PTPRD: variants seen among roughly 807,000 people sequenced by gnomAD.
PTPRD encodes the protein protein tyrosine phosphatase receptor type D, also known as receptor-type tyrosine-protein phosphatase delta.
A neutral mutation model predicts 214.5 loss-of-function variants in PTPRD; 34 were observed. The observed-to-expected ratio is 0.16, with a 90% confidence interval of 0.12 to 0.21. The LOEUF is 0.21. PTPRD is among the 10% of genes least tolerant of loss of function. The probability of loss-of-function intolerance (pLI) is 1.00; values close to 1 mark genes in which losing one functional copy is unlikely to be tolerated. For synonymous variants in PTPRD, 1,128 were observed against 845.7 expected (o/e 1.33, Z -5.79); for missense variants, 2,545 against 2,398.7 (o/e 1.06, Z -1.27).
intron 37 of PTPRD, among the ~76,000 whole-genome samples, chr9:8,387,901 T>C (rs1268883003): frequency 1.3e-5 from 2 of 152,222 alleles, no homozygotes; most frequent in African/African-American, 4.8e-5. Flanking sequence ...GCTTGATATA[T>C]AGGAGTTACC....
At chr9:10,009,162 G>C (rs1425436258) in intron 4 of PTPRD, among the ~76,000 whole-genome samples, 1 of 151,964 alleles carries the variant, frequency 6.6e-6, no homozygotes, top group Non-Finnish European at 1.5e-5. Context: ...GAGTCTTAAA[G>C]CTTTCGCCTG....
intron 7 of PTPRD, among the ~76,000 whole-genome samples, chr9:9,616,072 G>C (rs148616741): frequency 1.5e-3 from 227 of 152,238 alleles, no homozygotes; most frequent in African/African-American, 5.1e-3. Flanking sequence ...ATAGGACATG[G>C]TCTTTACCTT....
chr9:9,790,500 G>T (rs1304214473), intron 5 of PTPRD, among the ~76,000 whole-genome samples: 1 of 152,010 alleles, frequency 6.6e-6, no homozygotes, highest in Non-Finnish European at 1.5e-5. Context: ...TGATTTCAGT[G>T]GCTTTATCTC....
intron 4 of PTPRD, among the ~76,000 whole-genome samples, chr9:9,990,632 G>T (rs1185479661): frequency 2.0e-5 from 3 of 152,226 alleles, no homozygotes; most frequent in Non-Finnish European, 4.4e-5. Context: ...TTAGAAAATA[G>T]AAAGTAGTTT....
intron 7 of PTPRD, among the ~76,000 whole-genome samples, chr9:9,684,268 A>C (rs774556909): frequency 6.6e-6 from 1 of 151,758 alleles, no homozygotes; most frequent in Non-Finnish European, 1.5e-5. Flanking sequence ...ATCTAACCTT[A>C]TTCAACATAC....
intron 3 of PTPRD, among the ~76,000 whole-genome samples, chr9:10,054,022 G>T (rs1034048405): frequency 6.6e-6 from 1 of 152,070 alleles, no homozygotes; most frequent in South Asian, 2.1e-4. Flanking sequence ...GCATCCCAAA[G>T]CACTGGGATT....
At chr9:8,390,220 CA>C (rs1350662238) in intron 36 of PTPRD, among the ~76,000 whole-genome samples, 2 of 152,104 alleles carry the variant, frequency 1.3e-5, no homozygotes, top group East Asian at 3.9e-4. Flanking sequence ...TCTTCAAACC[CA>C]ACAATGGCTT....
At chr9:8,559,654 A>C (rs1427465359) in intron 14 of PTPRD, among the ~76,000 whole-genome samples, 1 of 152,192 alleles carries the variant, frequency 6.6e-6, no homozygotes, top group Non-Finnish European at 1.5e-5. Flanking sequence ...CCCAATGCCT[A>C]AGCTTCAGTC....
intron 8 of PTPRD, among the ~76,000 whole-genome samples, chr9:9,438,455 T>C (rs961382930): frequency 2.6e-5 from 4 of 152,194 alleles, no homozygotes; most frequent in Non-Finnish European, 5.9e-5. Context: ...TAAATATGCA[T>C]TGTGTGAAAG....
rs35027583 is a variant in PTPRD, at chr9:8,468,798, GAAAA to G, written c.3504+2193_3504+2196del. Among the ~76,000 whole-genome samples the G allele has an allele frequency of 5.1e-3, 629 of 123,524 alleles. 2 individuals carry two copies. Among genetic ancestry groups the G allele is most frequent in the Middle Eastern group, 0.018 (4 of 224 alleles). The allele number at this position is 123,524 out of a possible 152,430, so 81.0% of individuals were successfully genotyped here. The stretch of plus-strand genomic sequence containing the variant: ...TACAGTGCTTTTATTATCCATGGTA[GAAAA>G]AAAAAAAAAAAAAAACTCTCTGTAG... On this transcript the variant is annotated intron_variant, in intron 31 of 45. Coordinates refer to ENST00000381196, the MANE Select transcript of PTPRD (RefSeq NM_002839.4).
chr9:9,844,863 C>T (rs2059117624), intron 5 of PTPRD, among the ~76,000 whole-genome samples: 2 of 151,100 alleles, frequency 1.3e-5, no homozygotes, highest in Admixed American at 1.3e-4. Context: ...ATTTTATAAA[C>T]TGAAAAACAA....
At chr9:8,529,396 G>T (rs1049716003) in intron 14 of PTPRD, among the ~76,000 whole-genome samples, 5 of 152,090 alleles carry the variant, frequency 3.3e-5, no homozygotes, top group African/African-American at 1.2e-4. Flanking sequence ...CAATTAACCA[G>T]AAAATTGTCT....
intron 8 of PTPRD, among the ~76,000 whole-genome samples, chr9:9,437,389 T>C (rs568893977): frequency 6.6e-6 from 1 of 152,304 alleles, no homozygotes; most frequent in South Asian, 2.1e-4. Context: ...CCAGGAGCTA[T>C]TGGCTAGATG....
chr9:10,612,593 A>T (rs924770886), intron 1 of PTPRD, 88 bp from the exon 2 acceptor site: 3 of 152,402 alleles, frequency 2.0e-5, no homozygotes, highest in Admixed American at 6.5e-5. Context: ...CAAAAGTGGG[A>T]TCTTCTTTTC....
intron 8 of PTPRD, among the ~76,000 whole-genome samples, chr9:9,427,689 G>T (rs1344285957): frequency 6.6e-6 from 1 of 152,212 alleles, no homozygotes; most frequent in Non-Finnish European, 1.5e-5. Flanking sequence ...ACAAAGGGAA[G>T]CCCATCAGAC....
chr9:8,783,595 C>A (rs566610243), intron 11 of PTPRD, among the ~76,000 whole-genome samples: 1 of 152,126 alleles, frequency 6.6e-6, no homozygotes, highest in East Asian at 1.9e-4. Flanking sequence ...GGAATTTAGT[C>A]CCACCATACC....
chr9:9,221,987 G>A (rs1333035374), intron 9 of PTPRD, among the ~76,000 whole-genome samples: 1 of 152,048 alleles, frequency 6.6e-6, no homozygotes, highest in Admixed American at 6.6e-5. Flanking sequence ...AGACATTAAA[G>A]TTTAAATCAA....
intron 8 of PTPRD, among the ~76,000 whole-genome samples, chr9:9,480,981 G>C (rs1490863189): frequency 6.6e-6 from 1 of 151,980 alleles, no homozygotes; most frequent in Non-Finnish European, 1.5e-5. Flanking sequence ...TGTTTCTCTG[G>C]GCCCTACGTT....
At chr9:9,159,807 T>C (rs2099884832) in intron 10 of PTPRD, among the ~76,000 whole-genome samples, 1 of 152,124 alleles carries the variant, frequency 6.6e-6, no homozygotes, top group African/African-American at 2.4e-5. Context: ...GATTTCAAAA[T>C]ACAAAGTGAT....
Sources: allele counts gnomAD v4.1 joint callset (sites outside exome capture counted in the v4.1 genomes callset), GRCh38; gene constraint gnomAD v4.1.1; transcripts MANE v1.5; gene names NCBI Gene and HGNC (gene_info 2026-07-23, HGNC 2026-07-21).